Variants in IPO11 observed in about 807,000 individuals in gnomAD.
IPO11 encodes importin-11.
A neutral mutation model predicts 143.2 loss-of-function variants in IPO11; 66 were observed. The observed-to-expected ratio is 0.46, with a 90% CI of 0.38 to 0.57. The LOEUF (loss-of-function observed/expected upper bound fraction) is 0.57, where lower values mean the gene tolerates loss of function less well. Among genes scored for constraint, IPO11 ranks in the 20% least tolerant of loss-of-function variants. IPO11 has a pLI of 0.00. For missense variants in IPO11, 1,026 were observed against 1,141.0 expected (o/e 0.90, Z 1.45); for synonymous variants, 385 against 377.8 (o/e 1.02, Z -0.22).
chr5:62,472,491 T>C (rs539300869), intron 7 of IPO11, among the ~76,000 whole-genome samples: 35 of 152,028 alleles, frequency 2.3e-4, no homozygotes, highest in Non-Finnish European at 1.8e-4. Context: ...GATAAAATGT[T>C]AACAAATTAA....
intron 27 of IPO11, among the ~76,000 whole-genome samples, chr5:62,564,270 G>A (rs987472958): frequency 1.3e-5 from 2 of 151,912 alleles, no homozygotes; most frequent in African/African-American, 2.4e-5. Context: ...GTCACATACT[G>A]TAGTGGAACG....
intron 20 of IPO11, 68 bp from the exon 21 acceptor site, chr5:62,526,074 G>A: frequency 2.1e-6 from 2 of 936,376 alleles, no homozygotes; most frequent in South Asian, 2.9e-5. Flanking sequence ...TTGTATGATA[G>A]GTAATTTTTT....
chr5:62,607,595 A>G (rs1050520640), intron 29 of IPO11, among the ~76,000 whole-genome samples: 3 of 152,216 alleles, frequency 2.0e-5, no homozygotes, highest in Non-Finnish European at 4.4e-5. Context: ...AGAATAATTC[A>G]TCATCATATT....
rs544669608 is a variant in IPO11, at chr5:62,545,735, GAACTCA to G, written c.2251-4628_2251-4623del. Among the ~76,000 whole-genome samples the G allele has an allele frequency of 1.1e-3, 170 of 152,108 alleles. 4 individuals carry two copies. The East Asian group carries it at 0.03, about 26-fold the overall frequency. ...AGGGCTAATATCCAGAATCTACAAA[GAACTCA>G]AACAAATTTACAAGAAAAAAACAAC... On this transcript the variant is annotated intron_variant, in intron 24 of 29. Transcript: ENST00000325324.
intron 26 of IPO11, among the ~76,000 whole-genome samples, chr5:62,559,576 T>A (rs1430510010): frequency 6.6e-6 from 1 of 152,158 alleles, no homozygotes; most frequent in Non-Finnish European, 1.5e-5. Flanking sequence ...AACCACTCTT[T>A]GTTGCTTTTG....
At chr5:62,554,514 G>A (rs1472912730) in intron 26 of IPO11, among the ~76,000 whole-genome samples, 5 of 151,952 alleles carry the variant, frequency 3.3e-5, no homozygotes, top group African/African-American at 1.2e-4. Flanking sequence ...AGTTTTTCTG[G>A]CACCATCGTT....
intron 5 of IPO11, among the ~76,000 whole-genome samples, chr5:62,455,147 T>C (rs962103902): frequency 6.6e-6 from 1 of 152,210 alleles, no homozygotes; most frequent in Non-Finnish European, 1.5e-5. Flanking sequence ...GCCTATTATT[T>C]TGGTAATCTG....
chr5:62,471,523 A>G (rs554071546), intron 7 of IPO11, among the ~76,000 whole-genome samples: 8 of 152,320 alleles, frequency 5.3e-5, no homozygotes, highest in African/African-American at 1.4e-4. Flanking sequence ...CTTCAGAGAT[A>G]CTGCTAAAGT....
At chr5:62,451,535 A>C (rs1489491270) in intron 4 of IPO11, among the ~76,000 whole-genome samples, 195 bp from the exon 5 acceptor site, 1 of 152,140 alleles carries the variant, frequency 6.6e-6, no homozygotes, top group Non-Finnish European at 1.5e-5. Flanking sequence ...GTAAAGGAGG[A>C]CCTCATAGGT....
chr5:62,471,853 A>G (rs1162536212), intron 7 of IPO11, among the ~76,000 whole-genome samples: 1 of 152,222 alleles, frequency 6.6e-6, no homozygotes, highest in Non-Finnish European at 1.5e-5. Flanking sequence ...GATAAAAGAT[A>G]TGGACTGATC....
intron 27 of IPO11, chr5:62,580,089 A>G (rs1744489938): frequency 1.3e-6 from 2 of 1,551,124 alleles, no homozygotes; most frequent in Non-Finnish European, 1.7e-6. Flanking sequence ...ATAATTTAAC[A>G]AAAGTACCAT....
At chr5:62,610,177 G>C (rs1745877158) in intron 29 of IPO11, among the ~76,000 whole-genome samples, 1 of 152,194 alleles carries the variant, frequency 6.6e-6, no homozygotes, top group South Asian at 2.1e-4. Flanking sequence ...TAAAAGCATA[G>C]GCTTGAATGC....
At chr5:62,414,057 G>A (rs527533975) in intron 1 of IPO11, among the ~76,000 whole-genome samples, 18 of 152,348 alleles carry the variant, frequency 1.2e-4, no homozygotes, top group Non-Finnish European at 4.4e-5. Context: ...TATAGTCTCA[G>A]GGTAGGAGGG....
At chr5:62,600,430 G>A (rs1415056843) in intron 28 of IPO11, among the ~76,000 whole-genome samples, 1 of 152,136 alleles carries the variant, frequency 6.6e-6, no homozygotes, top group Non-Finnish European at 1.5e-5. Flanking sequence ...GGAATGCAGT[G>A]GAAGAATTTG....
At chr5:62,534,730 T>C (rs1406723637) in intron 22 of IPO11, among the ~76,000 whole-genome samples, 1 of 152,152 alleles carries the variant, frequency 6.6e-6, no homozygotes, top group East Asian at 1.9e-4. Flanking sequence ...TGTTTAAAAG[T>C]ATCCTCAGCT....
At chr5:62,618,905 C>CT (rs898781533) in intron 29 of IPO11, among the ~76,000 whole-genome samples, 9 of 151,282 alleles carry the variant, frequency 5.9e-5, no homozygotes, top group East Asian at 5.8e-4. Flanking sequence ...TACTATCAGT[C>CT]TTTTTTTTTA....
chr5:62,465,164 T>C (rs1228695550), intron 5 of IPO11, among the ~76,000 whole-genome samples: 2 of 152,336 alleles, frequency 1.3e-5, no homozygotes, highest in African/African-American at 4.8e-5. Flanking sequence ...TTTGTAGAAT[T>C]CTTACCTCTT....
chr5:62,451,152 G>GT (rs1173311285), intron 4 of IPO11, among the ~76,000 whole-genome samples: 1 of 152,064 alleles, frequency 6.6e-6, no homozygotes, highest in Non-Finnish European at 1.5e-5. Flanking sequence ...AATATTTGGC[G>GT]TTTCTTTCTA....
At chr5:62,417,971 C>T (rs1743363118) in intron 1 of IPO11, among the ~76,000 whole-genome samples, 1 of 152,104 alleles carries the variant, frequency 6.6e-6, no homozygotes, top group Non-Finnish European at 1.5e-5. Context: ...TATTTTATTT[C>T]CAACTCTCCA....
Sources: gnomAD v4.1 joint callset for allele counts (sites outside exome capture counted in the v4.1 genomes callset) on GRCh38, gnomAD v4.1.1 for gene constraint, MANE v1.5 for transcripts, NCBI Gene and HGNC (gene_info 2026-07-23, HGNC 2026-07-21) for gene names.